Variants in NDE1 observed in about 807,000 individuals in gnomAD.
The protein encoded by NDE1 is nuclear distribution protein nudE homolog 1.
In NDE1, 28 loss-of-function variants were observed where a neutral mutation model predicts 43.4. The observed-to-expected ratio is 0.65, with a 90% CI of 0.48 to 0.89. The LOEUF (loss-of-function observed/expected upper bound fraction) is 0.89, where lower values mean the gene tolerates loss of function less well. Ranked by LOEUF, NDE1 falls within the 40% of genes least tolerant of loss-of-function variation. The pLI is 0.00. For synonymous variants in NDE1, 184 were observed against 172.0 expected, an observed-to-expected ratio of 1.07 and a Z score of -0.55; for missense variants, 441 against 434.1, an observed-to-expected ratio of 1.02 and a Z score of -0.14.
intron 3 of NDE1, among the ~76,000 whole-genome samples, chr16:15,673,044 C>T (rs2037680135): frequency 6.6e-6 from 1 of 152,212 alleles, no homozygotes; most frequent in Admixed American, 6.5e-5. Context: ...CTGGCCTAGG[C>T]ACCATTACAT....
In NDE1 at chr16:15,724,422, C is replaced by T. The variant is rs961116745; in HGVS notation, c.*171C>T. ...TCGAGTCGGAGAGCTACAAGGACAG[C>T]GTCCAGGGTAGGGTGAGAGGGGGAC... On this transcript the variant is annotated 3_prime_UTR_variant, in exon 9 of 9. Coordinates refer to ENST00000396354, the MANE Select transcript of NDE1 (RefSeq NM_017668.3). 6.8e-6 allele frequency: 11 copies of T among 1,613,594 alleles called. No individual in the cohort carries two copies. Among genetic ancestry groups the T allele is most frequent in the East Asian group, 2.2e-5 (1 of 44,876 alleles).
chr16:15,696,101 G>A (rs539333172), intron 7 of NDE1: 1 of 130,546 alleles, frequency 7.7e-6, no homozygotes, highest in Non-Finnish European at 1.6e-5. Flanking sequence ...TAGCTATTCA[G>A]GAGGCTGAGG....
intron 8 of NDE1, chr16:15,719,568 G>A (rs2040355574): frequency 6.2e-7 from 1 of 1,613,644 alleles, no homozygotes; most frequent in African/African-American, 1.3e-5. Context: ...GGCTCTCCTA[G>A]CAAGGCGAGG....
At chr16:15,687,182 T>C in intron 4 of NDE1, 193 bp from the exon 5 acceptor site, 1 of 1,504,458 alleles carries the variant, frequency 6.6e-7, no homozygotes, top group East Asian at 2.5e-5. Flanking sequence ...TGAGCTATGA[T>C]GAGTCCCATT....
At chr16:15,657,090 A>G (rs377469375) in intron 1 of NDE1, among the ~76,000 whole-genome samples, 5 of 150,994 alleles carry the variant, frequency 3.3e-5, no homozygotes, top group Non-Finnish European at 2.9e-5. Flanking sequence ...AGTATCACCA[A>G]TGTCTTTTTT....
At chr16:15,657,052 A>G (rs992707145) in intron 1 of NDE1, among the ~76,000 whole-genome samples, 2 of 150,904 alleles carry the variant, frequency 1.3e-5, no homozygotes, top group Non-Finnish European at 2.9e-5. Context: ...ACAACCTTCC[A>G]TACCATGGGA....
intron 8 of NDE1, chr16:15,720,252 C>CT: frequency 6.2e-7 from 1 of 1,614,170 alleles, no homozygotes; most frequent in Non-Finnish European, 8.5e-7. Flanking sequence ...TTCTTCTTTG[C>CT]TGCAGCTGCC....
intron 8 of NDE1, 34 bp downstream of exon 8, chr16:15,696,894 G>GGA (rs1567660825): frequency 6.2e-7 from 1 of 1,607,644 alleles, no homozygotes. Flanking sequence ...TCGCTGGCGG[G>GGA]GAGAACCCGC....
intron 3 of NDE1, among the ~76,000 whole-genome samples, chr16:15,669,280 G>T (rs887432004): frequency 6.7e-6 from 1 of 150,374 alleles, no homozygotes; most frequent in African/African-American, 2.5e-5. Context: ...TGCAACCTCC[G>T]CCTCCCAGGT....
At chr16:15,681,117 T>C (rs560315422) in intron 4 of NDE1, among the ~76,000 whole-genome samples, 1 of 151,426 alleles carries the variant, frequency 6.6e-6, no homozygotes, top group Non-Finnish European at 1.5e-5. Context: ...ATTTTTTAAT[T>C]GTTTAATTTT....
chr16:15,680,738 C>T (rs935705589), intron 4 of NDE1, among the ~76,000 whole-genome samples: 10 of 151,990 alleles, frequency 6.6e-5, no homozygotes, highest in South Asian at 2.1e-4. Flanking sequence ...CGGAGTTTTG[C>T]GATGTTGGAG....
intron 3 of NDE1, among the ~76,000 whole-genome samples, chr16:15,671,216 A>G (rs1274236342): frequency 6.6e-6 from 1 of 152,092 alleles, no homozygotes; most frequent in Non-Finnish European, 1.5e-5. Context: ...AAAAAGATGG[A>G]TTTCTGGCCA....
intron 4 of NDE1, among the ~76,000 whole-genome samples, chr16:15,683,931 G>A (rs1009024683): frequency 3.3e-5 from 5 of 151,966 alleles, no homozygotes; most frequent in Non-Finnish European, 5.9e-5. Flanking sequence ...GGAGGTTGAG[G>A]TAAGAAGGTG....
intron 2 of NDE1, among the ~76,000 whole-genome samples, chr16:15,666,623 A>C (rs1198279616): frequency 6.6e-6 from 1 of 152,038 alleles, no homozygotes; most frequent in East Asian, 1.9e-4. Context: ...AAATAAATAA[A>C]AATTATTTTA....
chr16:15,670,112 T>G (rs915329183), intron 3 of NDE1, among the ~76,000 whole-genome samples: 2 of 152,158 alleles, frequency 1.3e-5, no homozygotes, highest in South Asian at 4.1e-4. Context: ...TGCTCTGAGA[T>G]TCCATTTCTC....
chr16:15,720,074 C>G (rs977746535), intron 8 of NDE1: 2 of 1,594,540 alleles, frequency 1.3e-6, no homozygotes, highest in Non-Finnish European at 1.7e-6. Context: ...TCCTGGAGCC[C>G]GCTCTGCTGA....
intron 1 of NDE1, among the ~76,000 whole-genome samples, chr16:15,655,970 G>C (rs1484203812): frequency 1.5e-5 from 2 of 133,474 alleles, no homozygotes; most frequent in Admixed American, 8.4e-5. Flanking sequence ...CACACTCTGG[G>C]GACTGTTGTG....
At chr16:15,671,126 C>T (rs909484104) in intron 3 of NDE1, among the ~76,000 whole-genome samples, 1 of 152,140 alleles carries the variant, frequency 6.6e-6, no homozygotes, top group Non-Finnish European at 1.5e-5. Flanking sequence ...CACCTAGGCT[C>T]TACCAATAAT....
intron 3 of NDE1, among the ~76,000 whole-genome samples, chr16:15,676,013 A>G (rs368650748): frequency 2.0e-5 from 3 of 152,020 alleles, no homozygotes; most frequent in Non-Finnish European, 2.9e-5. Flanking sequence ...ATAAGTATGT[A>G]ATGGATGTTA....
Sources: gnomAD v4.1 joint callset for allele counts (sites outside exome capture counted in the v4.1 genomes callset) on GRCh38, gnomAD v4.1.1 for gene constraint, MANE v1.5 for transcripts, NCBI Gene and HGNC (gene_info 2026-07-23, HGNC 2026-07-21) for gene names.